Variants in MME observed in about 807,000 individuals in gnomAD.
MME encodes the protein membrane metalloendopeptidase.
A neutral mutation model predicts 113.2 loss-of-function variants in MME; 98 were observed. The observed-to-expected ratio is 0.87, with a 90% confidence interval of 0.74 to 1.02. MME has a LOEUF of 1.02. Among genes scored for constraint, MME ranks in the 50% least tolerant of loss-of-function variants. The probability of loss-of-function intolerance (pLI) is 0.00; values close to 1 mark genes in which losing one functional copy is unlikely to be tolerated. For synonymous variants in MME, 292 were observed against 300.6 expected (o/e 0.97, Z 0.30); for missense variants, 836 against 896.0 (o/e 0.93, Z 0.86).
intron 1 of MME, among the ~76,000 whole-genome samples, chr3:155,028,962 T>C (rs1018020404): frequency 6.6e-6 from 1 of 152,190 alleles, no homozygotes; most frequent in Non-Finnish European, 1.5e-5. Context: ...TCACAGGTTA[T>C]GGTAAAATAA....
At chr3:155,037,830 G>A (rs188011715) in intron 1 of MME, among the ~76,000 whole-genome samples, 2 of 152,190 alleles carry the variant, frequency 1.3e-5, no homozygotes, top group Non-Finnish European at 2.9e-5. Flanking sequence ...ACCAGTTTTG[G>A]TAGAATTGTG....
chr3:155,162,989 G>A (rs1238023198), intron 17 of MME, among the ~76,000 whole-genome samples: 1 of 147,262 alleles, frequency 6.8e-6, no homozygotes, highest in Non-Finnish European at 1.5e-5. Context: ...CTCCAGCCTG[G>A]GTGACAAAAC....
chr3:155,110,169 G>A (rs574282640), intron 3 of MME, among the ~76,000 whole-genome samples: 1 of 152,342 alleles, frequency 6.6e-6, no homozygotes, highest in Non-Finnish European at 1.5e-5. Flanking sequence ...AAAAGGACTG[G>A]AAAGGAGGGC....
At chr3:155,030,876 T>G (rs1712947846) in intron 1 of MME, among the ~76,000 whole-genome samples, 1 of 152,196 alleles carries the variant, frequency 6.6e-6, no homozygotes, top group African/African-American at 2.4e-5. Context: ...TGTGAAAATC[T>G]GTCCATGGAA....
At chr3:155,129,320 C>T (rs1403107937) in intron 8 of MME, among the ~76,000 whole-genome samples, 1 of 152,148 alleles carries the variant, frequency 6.6e-6, no homozygotes, top group Non-Finnish European at 1.5e-5. Flanking sequence ...ATTATTAACT[C>T]AGCCTGTTTC....
upstream of MME, among the ~76,000 whole-genome samples, chr3:155,079,262 G>A (rs1049308904): frequency 7.2e-5 from 11 of 151,982 alleles, no homozygotes; most frequent in African/African-American, 2.4e-4. Flanking sequence ...AGGAAGCTTG[G>A]ATTCAGGGAG....
chr3:155,103,998 G>A (rs1187826299), intron 3 of MME, among the ~76,000 whole-genome samples: 1 of 152,158 alleles, frequency 6.6e-6, no homozygotes, highest in Non-Finnish European at 1.5e-5. Context: ...ACTGAACACT[G>A]AGTAAGTTTG....
At chr3:155,038,108 G>A (rs1424848306) in intron 1 of MME, among the ~76,000 whole-genome samples, 5 of 152,150 alleles carry the variant, frequency 3.3e-5, no homozygotes, top group Admixed American at 6.6e-5. Flanking sequence ...AGTGCCATAT[G>A]TTTTTCAGTG....
rs2108272709 is a variant in MME at position 155,123,748 on chromosome 3, C to G, written c.720+4937C>G. ...CTTTAAGAATGTTGAATACTGGCCC[C>G]CACTCTCTTCTGGCTTGTAGGGTTT... On this transcript the variant is annotated intron_variant, in intron 8 of 22. Transcript: ENST00000360490. 3.4e-5 allele frequency among the ~76,000 whole-genome samples: 2 copies of G among 58,430 alleles called. 1 individual carries two copies. Among genetic ancestry groups the G allele is most frequent in the Admixed American group, 3.5e-4 (2 of 5,650 alleles). 38.3% of individuals were successfully genotyped at this position (58,430 alleles called of 152,430 possible). A position where few individuals can be genotyped will look rare whatever the true frequency, so the allele number is the denominator to read the frequency against.
At chr3:155,064,325 T>A (rs188546663) in intron 1 of MME, among the ~76,000 whole-genome samples, 477 of 152,090 alleles carry the variant, frequency 3.1e-3, no homozygotes, top group Middle Eastern at 0.01. Flanking sequence ...AACAAATATA[T>A]GTATATATGT....
Position 155,101,698 on chromosome 3 carries a change from T to C in MME, c.197-13296T>C, listed in dbSNP as rs919295577. On this transcript the variant is annotated intron_variant, in intron 3 of 22. Transcript: ENST00000360490. Reference sequence around the variant, plus strand: ...AGTTTCCTTGGATCAACACACACCATCTGCTGGTTATAGCTCCCTCCTCAC... The same window carrying C: ...AGTTTCCTTGGATCAACACACACCACCTGCTGGTTATAGCTCCCTCCTCAC... Among the ~76,000 whole-genome samples, 7 of 152,172 alleles carry C rather than the reference T, an allele frequency of 4.6e-5. 1 individual carries two copies. Among genetic ancestry groups the C allele is most frequent in the Non-Finnish European group, 8.8e-5 (6 of 68,028 alleles).
chr3:155,126,898 T>C (rs557611207), intron 8 of MME, among the ~76,000 whole-genome samples: 24 of 151,716 alleles, frequency 1.6e-4, no homozygotes, highest in African/African-American at 5.8e-4. Flanking sequence ...ACTTGGGAAC[T>C]TGGGAGGCTG....
chr3:155,087,795 T>G (rs779133209), intron 3 of MME, among the ~76,000 whole-genome samples: 2 of 152,210 alleles, frequency 1.3e-5, no homozygotes, highest in African/African-American at 2.4e-5. Context: ...CAAGTGATTT[T>G]GCCTCAGAGA....
In MME at chr3:155,138,182, C is replaced by A. The variant is rs756294077; in HGVS notation, c.801C>A (p.Asn267Lys). ...AAGAAAGATTGCCCATCGATGAAAA[C>A]CAGCTTGCTTTGGAAATGAATAAAG... ...RQEERLPIDE[N>K]QLALEMNKVM... Residue 267 changes from asparagine to lysine, a missense_variant, in exon 9 of 23, where the codon AAC (asparagine) becomes AAA (lysine). Asn to Lys is a moderately conservative substitution (Grantham distance 94, BLOSUM62 0). Coordinates refer to ENST00000360490, the MANE Select transcript of MME (RefSeq NM_007289.4). The A allele has an allele frequency of 6.2e-7, 1 of 1,613,506 alleles. No homozygotes were observed. The highest frequency in any genetic ancestry group is 8.5e-7 in the Non-Finnish European group (1 of 1,179,746).
chr3:155,131,450 A>G (rs1720138791), intron 8 of MME, among the ~76,000 whole-genome samples: 1 of 152,206 alleles, frequency 6.6e-6, no homozygotes. Context: ...ACTAATAGTC[A>G]GAAGGTTTCA....
At chr3:155,063,500 A>AT in intron 1 of MME, among the ~76,000 whole-genome samples, 1 of 103,814 alleles carries the variant, frequency 9.6e-6, no homozygotes, top group Admixed American at 1.2e-4. Context: ...TATATATTTA[A>AT]ATATATATAT....
chr3:155,119,242 A>C (rs923603962), intron 8 of MME, among the ~76,000 whole-genome samples: 2 of 152,224 alleles, frequency 1.3e-5, no homozygotes, highest in Admixed American at 1.3e-4. Flanking sequence ...TCAGAGAACT[A>C]TGCAGGTAGT....
At chr3:155,090,438 A>G (rs1272336711) in intron 3 of MME, 4 of 152,242 alleles carry the variant, frequency 2.6e-5, no homozygotes, top group Admixed American at 2.6e-4. Flanking sequence ...TACCTATGAT[A>G]AAGTTTAATT....
intron 1 of MME, among the ~76,000 whole-genome samples, chr3:155,061,430 G>C (rs1714141947): frequency 2.2e-5 from 3 of 136,978 alleles, no homozygotes; most frequent in African/African-American, 8.2e-5. Context: ...CAACCTGGGC[G>C]ACAGAGCGAG....
Sources: allele counts gnomAD v4.1 joint callset (sites outside exome capture counted in the v4.1 genomes callset), GRCh38; gene constraint gnomAD v4.1.1; transcripts MANE v1.5; gene names NCBI Gene and HGNC (gene_info 2026-07-23, HGNC 2026-07-21).